The following GANC variants were observed in gnomAD, a reference collection of about 807,000 sequenced individuals.
GANC encodes glucosidase alpha, neutral C.
A neutral mutation model predicts 124.2 loss-of-function variants in GANC; 117 were observed. The observed-to-expected ratio is 0.94, with a 90% CI of 0.81 to 1.10. The LOEUF (loss-of-function observed/expected upper bound fraction) is 1.10, where lower values mean the gene tolerates loss of function less well. GANC is among the 50% of genes least tolerant of loss of function. The pLI, the probability that GANC is intolerant of heterozygous loss-of-function variation, is 0.00. For synonymous variants in GANC, 377 were observed against 376.8 expected (o/e 1.00, Z -0.01); for missense variants, 1,140 against 1,095.0 (o/e 1.04, Z -0.58).
At chr15:42,308,840 A>G (rs932990664) in intron 8 of GANC, among the ~76,000 whole-genome samples, 1 of 152,168 alleles carries the variant, frequency 6.6e-6, no homozygotes, top group Non-Finnish European at 1.5e-5. Context: ...TGTAAAAACT[A>G]TAATACTGAA....
In GANC at chr15:42,273,497, T is replaced by C; in HGVS notation, c.-985T>C. 6.5e-7 allele frequency: 1 copy of C among 1,544,450 alleles called. No individual in the cohort carries two copies. The highest frequency in any genetic ancestry group is 8.7e-7 in the Non-Finnish European group (1 of 1,147,968). On this transcript the variant is annotated 5_prime_UTR_variant, in exon 1 of 24. Coordinates refer to ENST00000318010, the MANE Select transcript of GANC (RefSeq NM_198141.3). ...TCTAAGGGCGGGATTATCCGGGTCC[T>C]GGAAACGTCGCGGAGCTTGTTTGCT...
intron 5 of GANC, among the ~76,000 whole-genome samples, chr15:42,293,403 T>C (rs2051861615): frequency 6.6e-6 from 1 of 152,188 alleles, no homozygotes; most frequent in African/African-American, 2.4e-5. Flanking sequence ...GAACACTGTT[T>C]TTAAATCTTT....
In GANC at chr15:42,352,702, G is replaced by C. The variant is rs2052463103; in HGVS notation, c.*563G>C. On this transcript the variant is annotated 3_prime_UTR_variant, in exon 24 of 24. Transcript: ENST00000318010. Reference sequence around the variant, plus strand: ...TAGAGATCGACTTGGCAGCACGAAGGATTCTTTTCTCTTTCATGCTTCTCA... The same window carrying C: ...TAGAGATCGACTTGGCAGCACGAAGCATTCTTTTCTCTTTCATGCTTCTCA... 2.0e-6 allele frequency: 2 copies of C among 985,814 alleles called. No individual in the cohort carries two copies. Among genetic ancestry groups the C allele is most frequent in the East Asian group, 1.1e-4 (1 of 8,834 alleles). The allele number at this position is 985,814 out of a possible 1,614,324, so 61.1% of individuals were successfully genotyped here. A position where few individuals can be genotyped will look rare whatever the true frequency, so the allele number is the denominator to read the frequency against.
At chr15:42,343,241 G>A (rs1208091399) in intron 19 of GANC, 87 bp downstream of exon 19, 1 of 1,168,612 alleles carries the variant, frequency 8.6e-7, no homozygotes, top group Non-Finnish European at 1.3e-6. Flanking sequence ...TTCATCATGT[G>A]TTTGTGAACA....
intron 3 of GANC, among the ~76,000 whole-genome samples, chr15:42,284,690 G>C (rs2051769453): frequency 6.6e-6 from 1 of 152,072 alleles, no homozygotes; most frequent in South Asian, 2.1e-4. Flanking sequence ...GAGTGCAGTG[G>C]TTACTCACAG....
chr15:42,352,276 C>A lies in GANC; in HGVS notation c.*137C>A. On this transcript the variant is annotated 3_prime_UTR_variant, in exon 24 of 24. Coordinates refer to ENST00000318010, the MANE Select transcript of GANC (RefSeq NM_198141.3). ...TAATCTTTCATTCGTCACCATTATA[C>A]TAATGAACAATAGATTTCATGTTTC... The A allele has an allele frequency of 2.1e-6, 3 of 1,454,714 alleles. No homozygotes were observed. The highest frequency in any genetic ancestry group is 1.4e-5 in the South Asian group (1 of 69,014). The allele number at this position is 1,454,714 out of a possible 1,614,324, so 90.1% of individuals were successfully genotyped here.
rs527676125 is a variant in GANC, at chr15:42,330,810, CAG to C, written c.1741+141_1741+142del. ...TTTTTTTTCATTTGTTTGTTTGAAA[CAG>C]AGTCTCGCTTTGTCACCCAGGCTGG... On this transcript the variant is annotated intron_variant, in intron 15 of 23. Transcript: ENST00000318010. The C allele has an allele frequency of 5.8e-4, 327 of 567,206 alleles. 3 individuals carry two copies. The East Asian group carries it at 9.1e-3, about 16-fold the overall frequency. 35.1% of individuals were successfully genotyped at this position (567,206 alleles called of 1,614,324 possible). A position where few individuals can be genotyped will look rare whatever the true frequency, so the allele number is the denominator to read the frequency against.
chr15:42,308,821 T>G (rs187055019), intron 8 of GANC, among the ~76,000 whole-genome samples: 1 of 152,104 alleles, frequency 6.6e-6, no homozygotes, highest in African/African-American at 2.4e-5. Context: ...AATGGAAAAA[T>G]TAGATAACTG....
At chr15:42,280,971 A>G (rs1224654359) in intron 3 of GANC, 1 of 702,516 alleles carries the variant, frequency 1.4e-6, no homozygotes, top group Admixed American at 2.0e-5. Flanking sequence ...AGGCAAAGAA[A>G]CCACAGTCCA....
Position 42,348,293 on chromosome 15 carries a change from G to A in GANC, c.2418+77G>A, listed in dbSNP as rs1449337507. 4 of 820,680 alleles carry A rather than the reference G, an allele frequency of 4.9e-6. No individual in the cohort carries two copies. In the African/African-American group the frequency reaches 5.3e-5, roughly 11 times the overall value. 50.8% of individuals were successfully genotyped at this position (820,680 alleles called of 1,614,324 possible). On this transcript the variant is annotated intron_variant, in intron 21 of 23. Coordinates refer to ENST00000318010, the MANE Select transcript of GANC (RefSeq NM_198141.3). ...TAGCCTTTTGAGTGTGTGACACTACGTAAAAGTGGTGAGCTCCTGACATTT... is the reference window on the plus strand; with the variant it reads ...TAGCCTTTTGAGTGTGTGACACTACATAAAAGTGGTGAGCTCCTGACATTT...
intron 15 of GANC, among the ~76,000 whole-genome samples, chr15:42,336,599 A>G (rs114590297): frequency 0.011 from 1,721 of 152,338 alleles, 38 homozygotes; most frequent in African/African-American, 0.04. Context: ...TGAGGATACC[A>G]AAAACAATTG....
At chr15:42,325,283 CAAAA>C (rs956771566) in intron 11 of GANC, among the ~76,000 whole-genome samples, 1 of 143,498 alleles carries the variant, frequency 7.0e-6, no homozygotes, top group African/African-American at 2.5e-5. Context: ...AAAAAACAAA[CAAAA>C]AAAAAAATTT....
chr15:42,310,528 A>T, intron 9 of GANC, 65 bp downstream of exon 9: 1 of 1,493,856 alleles, frequency 6.7e-7, no homozygotes, highest in Non-Finnish European at 9.0e-7. Context: ...CAGTGGAGTT[A>T]TAGCTCTTAT....
chr15:42,339,361 T>TCACACAC (rs1566960894), intron 16 of GANC, among the ~76,000 whole-genome samples: 1 of 139,780 alleles, frequency 7.2e-6, no homozygotes, highest in African/African-American at 2.7e-5. Context: ...CACACACAGT[T>TCACACAC]ATTTAATCAG....
At chr15:42,340,637 A>T (rs2052322367) in intron 17 of GANC, 53 bp from the exon 18 acceptor site, 17 of 1,145,118 alleles carry the variant, frequency 1.5e-5, no homozygotes, top group Non-Finnish European at 1.9e-5. Flanking sequence ...TAAGTGATTG[A>T]TTGCAATAAG....
intron 6 of GANC, among the ~76,000 whole-genome samples, chr15:42,305,486 T>A (rs1430496544): frequency 2.0e-5 from 3 of 152,226 alleles, no homozygotes; most frequent in African/African-American, 7.2e-5. Flanking sequence ...ATGAATGCTT[T>A]TACACTGTTG....
intron 4 of GANC, among the ~76,000 whole-genome samples, chr15:42,289,006 G>T (rs1393494575): frequency 1.3e-5 from 2 of 152,124 alleles, no homozygotes; most frequent in African/African-American, 4.8e-5. Flanking sequence ...CTCTTTCCGT[G>T]CTGTCTTTGC....
intron 5 of GANC, among the ~76,000 whole-genome samples, chr15:42,296,939 A>G (rs1051646140): frequency 6.6e-6 from 1 of 151,070 alleles, no homozygotes; most frequent in African/African-American, 2.4e-5. Flanking sequence ...TCTTAGAAAT[A>G]CAAACTGAAA....
rs770330698 is a variant in GANC, at chr15:42,329,354, G to C, written c.1549G>C (p.Val517Leu). The change falls in exon 14 of 24, where the codon GTC becomes CTC. Residue 517 changes from valine (V) to leucine (L), a missense_variant. By Grantham distance (32) the Val-to-Leu change is conservative. Transcript: ENST00000318010. Reference protein sequence around the residue: ...FLWNDMNEPSVFRGPEQTMQK... With the variant: ...FLWNDMNEPSLFRGPEQTMQK... ...TTGGAATGACATGAATGAGCCTTCT[G>C]TCTTTAGAGGGCCAGAGCAAACCAT... 6.2e-7 allele frequency: 1 copy of C among 1,614,006 alleles called. No homozygotes were observed. The highest frequency in any genetic ancestry group is 8.5e-7 in the Non-Finnish European group (1 of 1,179,936).
Sources: allele counts gnomAD v4.1 joint callset (sites outside exome capture counted in the v4.1 genomes callset), GRCh38; gene constraint gnomAD v4.1.1; transcripts MANE v1.5; gene names NCBI Gene and HGNC (gene_info 2026-07-23, HGNC 2026-07-21).